ARHGEF4: variants seen among roughly 807,000 people sequenced by gnomAD.
The protein encoded by ARHGEF4 is Rho guanine nucleotide exchange factor 4.
Under a neutral mutation model 162.0 loss-of-function variants are expected in ARHGEF4, and 119 were observed. That is an observed-to-expected ratio of 0.73 (90% CI 0.63 to 0.86). The LOEUF is 0.86. Ranked by LOEUF, ARHGEF4 falls within the 40% of genes least tolerant of loss-of-function variation. The pLI is 0.00. For missense variants in ARHGEF4, 2,488 were observed against 2,456.0 expected (o/e 1.01, Z -0.28); for synonymous variants, 1,014 against 979.9 (o/e 1.03, Z -0.65).
intron 4 of ARHGEF4, among the ~76,000 whole-genome samples, chr2:130,974,336 A>G (rs1453562829): frequency 6.6e-6 from 1 of 152,084 alleles, no homozygotes; most frequent in Non-Finnish European, 1.5e-5. Context: ...TATTTGACCA[A>G]AGTGACAATA....
chr2:130,837,055 C>T (rs1680243078), intron 1 of ARHGEF4, 63 bp downstream of exon 1: 4 of 1,220,596 alleles, frequency 3.3e-6, no homozygotes, highest in Non-Finnish European at 4.1e-6. Context: ...TGGGGAGGAG[C>T]ACAGCCCGCG....
At chr2:131,025,641 C>T (rs1689428470) in intron 4 of ARHGEF4, among the ~76,000 whole-genome samples, 1 of 152,216 alleles carries the variant, frequency 6.6e-6, no homozygotes, top group Non-Finnish European at 1.5e-5. Context: ...ATTTACTTAA[C>T]ATTTCCTAAA....
In ARHGEF4 at chr2:131,041,680, T is replaced by C. The variant is rs1390713783; in HGVS notation, c.4896-135T>C. 3.1e-6 allele frequency: 4 copies of C among 1,288,904 alleles called. No individual in the cohort carries two copies. The African/African-American group carries it at 5.9e-5, about 19-fold the overall frequency. 79.8% of individuals were successfully genotyped at this position (1,288,904 alleles called of 1,614,324 possible). ...CCATTTATGGAGAAGAGAGGGGCTG[T>C]GCATCTGATAGTGAGGATGTGGTCA... On this transcript the variant is annotated intron_variant, in intron 9 of 13. Transcript: ENST00000409359.
At chr2:131,045,905 TCCTGTGTG>T in intron 13 of ARHGEF4, 125 bp from the exon 14 acceptor site, 1 of 1,495,168 alleles carries the variant, frequency 6.7e-7, no homozygotes, top group South Asian at 1.4e-5. Context: ...CAGGAGCAAG[TCCTGTGTG>T]GCAAAACTGC....
intron 3 of ARHGEF4, among the ~76,000 whole-genome samples, chr2:130,937,205 C>G (rs1350946774): frequency 1.3e-5 from 2 of 152,054 alleles, no homozygotes; most frequent in Non-Finnish European, 2.9e-5. Flanking sequence ...GCCACTGTGT[C>G]TGGGCTTTCT....
intron 11 of ARHGEF4, among the ~76,000 whole-genome samples, 181 bp from the exon 12 acceptor site, chr2:131,044,118 C>G (rs913471707): frequency 1.3e-5 from 2 of 152,192 alleles, no homozygotes; most frequent in African/African-American, 2.4e-5. Context: ...CCTCTCCACT[C>G]ATGGCTCAGC....
intron 3 of ARHGEF4, among the ~76,000 whole-genome samples, chr2:130,933,465 G>A (rs1164718608): frequency 6.6e-6 from 1 of 152,096 alleles, no homozygotes. Flanking sequence ...AAAAATAAAG[G>A]CCCTTGGGAT....
chr2:130,975,058 A>AC (rs149917197), intron 4 of ARHGEF4, among the ~76,000 whole-genome samples: 8,322 of 152,098 alleles, frequency 0.055, 270 homozygotes, highest in African/African-American at 0.091. Flanking sequence ...AGCGTCTGTG[A>AC]CCCCCAGGGG....
chr2:130,863,872 T>A (rs1682063781), intron 1 of ARHGEF4, among the ~76,000 whole-genome samples: 1 of 98,702 alleles, frequency 1.0e-5, no homozygotes, highest in African/African-American at 4.2e-5. Flanking sequence ...ATCCATAGGG[T>A]GGAATACTGC....
At chr2:130,847,612 C>T (rs1396033549) in intron 1 of ARHGEF4, among the ~76,000 whole-genome samples, 2 of 152,204 alleles carry the variant, frequency 1.3e-5, no homozygotes, top group Non-Finnish European at 2.9e-5. Context: ...GCCCCAGCTG[C>T]TTTTCCACCC....
intron 1 of ARHGEF4, among the ~76,000 whole-genome samples, chr2:130,897,642 G>C (rs1680239669): frequency 6.6e-6 from 1 of 152,188 alleles, no homozygotes; most frequent in African/African-American, 2.4e-5. Flanking sequence ...CCCACTACTT[G>C]CCGGCATTTT....
Position 130,915,735 on chromosome 2 carries a change from T to A in ARHGEF4, c.1789T>A (p.Cys597Ser). ...ATTCAAGGCAGCCACGGTGTCTCAC[T>A]GCGGCCCCGGGGCTGAGGAGGGTGA... ...SEFKAATVSH[C>S]GPGAEEGEQG... Residue 597 changes from cysteine (C) to serine (S), a missense_variant, in exon 2 of 14, where the codon TGC (cysteine) becomes AGC (serine). Transcript: ENST00000409359. 6.5e-7 allele frequency: 1 copy of A among 1,547,136 alleles called. No homozygotes were observed. The highest frequency in any genetic ancestry group is 8.7e-7 in the Non-Finnish European group (1 of 1,144,942).
chr2:130,986,086 G>A (rs1686475362), intron 4 of ARHGEF4, among the ~76,000 whole-genome samples: 1 of 151,608 alleles, frequency 6.6e-6, no homozygotes, highest in East Asian at 1.9e-4. Flanking sequence ...CGTGTTTTGT[G>A]TGTGTTGTGT....
intron 4 of ARHGEF4, among the ~76,000 whole-genome samples, chr2:130,990,496 C>T (rs1438815585): frequency 2.0e-5 from 3 of 151,990 alleles, no homozygotes; most frequent in African/African-American, 7.2e-5. Context: ...CTTCCCAGTT[C>T]TGCAGGATGG....
intron 4 of ARHGEF4, among the ~76,000 whole-genome samples, chr2:130,978,758 A>T (rs1420896745): frequency 1.3e-5 from 2 of 152,214 alleles, no homozygotes; most frequent in African/African-American, 4.8e-5. Context: ...CTCCAAAAAA[A>T]AAAAAATTCT....
intron 1 of ARHGEF4, chr2:130,837,660 CAG>C (rs1409713082): frequency 2.3e-6 from 1 of 444,362 alleles, no homozygotes. Context: ...GGGGCACTGT[CAG>C]GGGTGGCCGG....
At chr2:130,847,871 G>C (rs1213454871) in intron 1 of ARHGEF4, among the ~76,000 whole-genome samples, 1 of 152,232 alleles carries the variant, frequency 6.6e-6, no homozygotes, top group African/African-American at 2.4e-5. Flanking sequence ...ATGAGGGCCT[G>C]CGTGCCCTGA....
intron 1 of ARHGEF4, among the ~76,000 whole-genome samples, chr2:130,885,355 A>G (rs562407416): frequency 2.0e-5 from 3 of 152,156 alleles, no homozygotes; most frequent in East Asian, 3.9e-4. Flanking sequence ...TTAGCTTAGT[A>G]TGTGCTGGGA....
At chr2:131,002,857 A>G (rs1199202811) in intron 4 of ARHGEF4, among the ~76,000 whole-genome samples, 5 of 152,104 alleles carry the variant, frequency 3.3e-5, no homozygotes, top group Non-Finnish European at 4.4e-5. Flanking sequence ...TAGTTTTTCA[A>G]CATTGTTGGT....
Sources: gnomAD v4.1 joint callset for allele counts (sites outside exome capture counted in the v4.1 genomes callset) on GRCh38, gnomAD v4.1.1 for gene constraint, MANE v1.5 for transcripts, NCBI Gene and HGNC (gene_info 2026-07-23, HGNC 2026-07-21) for gene names.